ARHGAP29: variants seen among roughly 807,000 people sequenced by gnomAD.
The protein encoded by ARHGAP29 is rho GTPase-activating protein 29.
A neutral mutation model predicts 122.6 loss-of-function variants in ARHGAP29; 43 were observed. The ratio of observed to expected loss-of-function variants is 0.35; its 90% CI spans 0.27 to 0.45. ARHGAP29 has a LOEUF of 0.45. Ranked by LOEUF, ARHGAP29 falls within the 20% of genes least tolerant of loss-of-function variation. The pLI is 1.00. For synonymous variants in ARHGAP29, 506 were observed against 497.1 expected, an observed-to-expected ratio of 1.02 and a Z score of -0.24; for missense variants, 1,303 against 1,477.2, an observed-to-expected ratio of 0.88 and a Z score of 1.93.
intron 12 of ARHGAP29, among the ~76,000 whole-genome samples, chr1:94,196,264 T>TC (rs147277198): frequency 0.012 from 1,344 of 113,784 alleles, 12 homozygotes; most frequent in Non-Finnish European, 0.018. Flanking sequence ...TTCTTTTTTT[T>TC]TTTTTTTTTT....
At position 94,185,416 on chromosome 1, in the gene ARHGAP29, G is replaced by A. The variant is rs561134145; in HGVS notation, c.1846C>T (p.Arg616Cys). The change falls in exon 17 of 23, where the codon CGC (arginine) becomes TGC (cysteine). Residue 616 changes from arginine to cysteine, a missense_variant. Arg to Cys is a radical substitution (Grantham distance 180). This residue lies in a region of ARHGAP29 where 91 missense variants were observed against 177.8 expected (regional missense o/e 0.51). Coordinates refer to ENST00000260526, the MANE Select transcript of ARHGAP29 (RefSeq NM_004815.4). ...MSKAALTHKF[R>C]KLRSPTKCRD... Reference sequence around the variant, plus strand: ...CATTTCGTGGGGGATCTCAATTTGCGAAACTTGTGTGTGAGAGCTGCCTTT... The same window carrying A: ...CATTTCGTGGGGGATCTCAATTTGCAAAACTTGTGTGTGAGAGCTGCCTTT... 3.1e-6 allele frequency: 5 copies of A among 1,612,474 alleles called. No individual in the cohort carries two copies. The highest frequency in any genetic ancestry group is 1.7e-5 in the Admixed American group (1 of 59,706).
rs148745316 is a variant in ARHGAP29, at chr1:94,201,774, T to C, written c.1227A>G (p.Glu409=). 337 of 1,614,010 alleles carry C rather than the reference T, an allele frequency of 2.1e-4. No homozygotes were observed. Among genetic ancestry groups the C allele is most frequent in the Non-Finnish European group, 2.6e-4 (302 of 1,179,968 alleles). The part of the protein sequence containing the change: ...RRNDLENTKR[E]ILAQLRTLVF... ...CAAGTGTCCGGAGTTGTGCTAAAATTTCTCTTTTGGTATTTTCTAGATCAT... is the reference window on the plus strand; with the variant it reads ...CAAGTGTCCGGAGTTGTGCTAAAATCTCTCTTTTGGTATTTTCTAGATCAT... Residue 409 remains glutamate (E), a synonymous_variant, in exon 12 of 23, where the codon GAA becomes GAG. Transcript: ENST00000260526.
chr1:94,234,328 C>T (rs1570584070), intron 1 of ARHGAP29, among the ~76,000 whole-genome samples: 1 of 151,976 alleles, frequency 6.6e-6, no homozygotes, highest in South Asian at 2.1e-4. Context: ...TTTATAGAAA[C>T]AAAAATAACT....
rs1026821380 is a variant in ARHGAP29, at chr1:94,170,241, A to C, written c.*3628T>G. The stretch of plus-strand genomic sequence containing the variant: ...AATTAATACTATCAGGTATAAGACA[A>C]ATTGACATTGTGTGCATCCTGGCAT... On this transcript the variant is annotated 3_prime_UTR_variant, in exon 23 of 23. Transcript: ENST00000260526. Among the ~76,000 whole-genome samples, 2 of 152,196 alleles carry C rather than the reference A, an allele frequency of 1.3e-5. No homozygotes were observed. Among genetic ancestry groups the C allele is most frequent in the Admixed American group, 1.3e-4 (2 of 15,292 alleles).
chr1:94,268,639 T>C (rs2100728593), intron 1 of ARHGAP29, among the ~76,000 whole-genome samples: 1 of 152,310 alleles, frequency 6.6e-6, no homozygotes, highest in African/African-American at 2.4e-5. Context: ...TGGTTGAATG[T>C]TTGTTGAATG....
At position 94,170,830 on chromosome 1, in the gene ARHGAP29, T is replaced by G. The variant is rs538057650; in HGVS notation, c.*3039A>C. On this transcript the variant is annotated 3_prime_UTR_variant, in exon 23 of 23. Coordinates refer to ENST00000260526, the MANE Select transcript of ARHGAP29 (RefSeq NM_004815.4). ...TCTCCATCAAGATCTTGTACATCTT[T>G]TGTTAGACTTATTCTTAGGTAGAGT... Among the ~76,000 whole-genome samples the G allele has an allele frequency of 3.3e-5, 5 of 152,332 alleles. 1 individual carries two copies. Among genetic ancestry groups the G allele is most frequent in the African/African-American group, 1.2e-4 (5 of 41,574 alleles).
chr1:94,283,375 G>A, the ARHGAP29 span, among the ~76,000 whole-genome samples: 1 of 152,158 alleles, frequency 6.6e-6, no homozygotes, highest in African/African-American at 2.4e-5. Context: ...CTTGGAAGGT[G>A]CTACCCTTGT....
At chr1:94,228,604 A>T (rs1176143868) in intron 2 of ARHGAP29, among the ~76,000 whole-genome samples, 3 of 151,826 alleles carry the variant, frequency 2.0e-5, no homozygotes, top group Non-Finnish European at 4.4e-5. Flanking sequence ...ATCAAAAGTT[A>T]TACATACATC....
Position 94,174,523 on chromosome 1 carries a change from T to C in ARHGAP29, c.3132A>G (p.Leu1044=). The C allele has an allele frequency of 6.2e-7, 1 of 1,614,206 alleles. No individual in the cohort carries two copies. The highest frequency in any genetic ancestry group is 8.5e-7 in the Non-Finnish European group (1 of 1,180,018). Residue 1044 remains leucine (L), a synonymous_variant, in exon 23 of 23, where the codon TTA becomes TTG. Transcript: ENST00000260526. The part of the protein sequence containing the change: ...RNGRNMGNVN[L]DKFCKNPAFE... ...AGGCAGGATTCTTGCAAAACTTGTC[T>C]AAATTTACATTTCCCATATTTCTGC...
intron 1 of ARHGAP29, among the ~76,000 whole-genome samples, chr1:94,267,611 A>G (rs1035672314): frequency 6.6e-6 from 1 of 151,944 alleles, no homozygotes; most frequent in Non-Finnish European, 1.5e-5. Flanking sequence ...TTATACACGA[A>G]TATAATAAAA....
the ARHGAP29 span, among the ~76,000 whole-genome samples, chr1:94,304,322 T>G: frequency 1.3e-5 from 2 of 152,208 alleles, no homozygotes; most frequent in Admixed American, 1.3e-4. Context: ...TATTGGTTTG[T>G]ATAAATGGAA....
chr1:94,265,938 G>A (rs1570624308), intron 1 of ARHGAP29, among the ~76,000 whole-genome samples: 2 of 152,288 alleles, frequency 1.3e-5, no homozygotes, highest in East Asian at 3.9e-4. Context: ...AGTGTCTGGT[G>A]CCCCTCCACT....
chr1:94,256,908 T>C (rs1261568356), intron 1 of ARHGAP29, among the ~76,000 whole-genome samples: 1 of 152,130 alleles, frequency 6.6e-6, no homozygotes, highest in Non-Finnish European at 1.5e-5. Context: ...TTTTACTTCG[T>C]GTATGTTTGT....
At chr1:94,190,171 A>T in intron 12 of ARHGAP29, 88 bp from the exon 13 acceptor site, 1 of 1,361,066 alleles carries the variant, frequency 7.3e-7, no homozygotes. Flanking sequence ...TGCACCAATA[A>T]AAATGCCATA....
intron 2 of ARHGAP29, 76 bp from the exon 3 acceptor site, chr1:94,220,468 C>A: frequency 7.6e-7 from 1 of 1,321,030 alleles, no homozygotes; most frequent in South Asian, 1.4e-5. Flanking sequence ...TCATCTGAAG[C>A]ACATTTCAAG....
At position 94,185,037 on chromosome 1, in the gene ARHGAP29, C is replaced by T. The variant is rs1649709740; in HGVS notation, c.1944G>A (p.Lys648=). 2 of 1,611,434 alleles carry T rather than the reference C, an allele frequency of 1.2e-6. No homozygotes were observed. Among genetic ancestry groups the T allele is most frequent in the Admixed American group, 3.4e-5 (2 of 59,530 alleles). ...CEECLLVCHR[K]CLENLVIICG... ...AAATAATGACTAAATTTTCCAAACA[C>T]TTTCGATGACAAACAAGGAGACACT... is the stretch of plus-strand genomic sequence containing the variant. Residue 648 remains lysine (K), a synonymous_variant, in exon 18 of 23, where the codon AAG becomes AAA. Coordinates refer to ENST00000260526, the MANE Select transcript of ARHGAP29 (RefSeq NM_004815.4).
chr1:94,307,272 C>G, the ARHGAP29 span, among the ~76,000 whole-genome samples: 1 of 152,170 alleles, frequency 6.6e-6, no homozygotes, highest in African/African-American at 2.4e-5. Flanking sequence ...GCCTCCCCAT[C>G]TACAGGACAA....
intron 1 of ARHGAP29, among the ~76,000 whole-genome samples, chr1:94,248,920 C>G (rs1653964105): frequency 6.6e-6 from 1 of 152,144 alleles, no homozygotes; most frequent in Non-Finnish European, 1.5e-5. Flanking sequence ...CGCCATGTTG[C>G]CCAGGCTGGT....
intron 3 of ARHGAP29, among the ~76,000 whole-genome samples, chr1:94,214,623 T>G (rs1200130898): frequency 6.6e-6 from 1 of 152,192 alleles, no homozygotes; most frequent in Non-Finnish European, 1.5e-5. Context: ...TCTGAACTAT[T>G]TAACAACCTA....
Sources: allele counts gnomAD v4.1 joint callset (sites outside exome capture counted in the v4.1 genomes callset), GRCh38; gene constraint gnomAD v4.1.1; regional missense constraint gnomAD v4.1.1; transcripts MANE v1.5; gene names NCBI Gene and HGNC (gene_info 2026-07-23, HGNC 2026-07-21).